The following BNC2 variants were observed in gnomAD, a reference collection of about 807,000 sequenced individuals.
BNC2 encodes the protein zinc finger protein basonuclin-2.
In BNC2, 20 loss-of-function variants were observed where a neutral mutation model predicts 76.3. The ratio of observed to expected loss-of-function variants is 0.26; its 90% CI spans 0.18 to 0.38. BNC2 has a LOEUF of 0.38. Ranked by LOEUF, BNC2 falls within the 10% of genes least tolerant of loss-of-function variation. The pLI is 1.00. For missense variants in BNC2, 1,382 were observed against 1,399.8 expected (o/e 0.99, Z 0.20); for synonymous variants, 582 against 514.8 (o/e 1.13, Z -1.77).
chr9:16,605,192 G>T (rs1820348716), intron 3 of BNC2, among the ~76,000 whole-genome samples: 1 of 152,210 alleles, frequency 6.6e-6, no homozygotes, highest in Admixed American at 6.5e-5. Context: ...AGAATGAAAA[G>T]AGGAAATTAT....
intron 2 of BNC2, among the ~76,000 whole-genome samples, chr9:16,735,411 A>T (rs1182356527): frequency 6.6e-6 from 1 of 152,086 alleles, no homozygotes; most frequent in African/African-American, 2.4e-5. Flanking sequence ...AAAAAAAAAA[A>T]AAAAAACAGG....
chr9:16,606,388 G>A (rs1820385249), intron 3 of BNC2, among the ~76,000 whole-genome samples: 1 of 152,110 alleles, frequency 6.6e-6, no homozygotes, highest in Admixed American at 6.6e-5. Context: ...TTGGCTCTGT[G>A]TCCCCAACCA....
intron 5 of BNC2, among the ~76,000 whole-genome samples, chr9:16,440,886 T>A (rs1422218919): frequency 6.6e-6 from 1 of 152,210 alleles, no homozygotes; most frequent in South Asian, 2.1e-4. Flanking sequence ...AAGCTTTATT[T>A]ATAGTGGTAA....
chr9:16,870,254 T>G (rs1040038139), intron 1 of BNC2, among the ~76,000 whole-genome samples: 1 of 152,056 alleles, frequency 6.6e-6, no homozygotes, highest in Admixed American at 6.6e-5. Flanking sequence ...CCCGAGCTCC[T>G]GCCAGCGCTC....
intron 1 of BNC2, among the ~76,000 whole-genome samples, chr9:16,768,667 G>A (rs984768517): frequency 6.6e-6 from 1 of 152,090 alleles, no homozygotes. Flanking sequence ...CAAGCAGCTG[G>A]GATAGGTACC....
At chr9:16,714,555 A>C (rs1419221833) in intron 3 of BNC2, among the ~76,000 whole-genome samples, 1 of 152,214 alleles carries the variant, frequency 6.6e-6, no homozygotes, top group Non-Finnish European at 1.5e-5. Context: ...CAAACTGTTA[A>C]TCTCTGGTCT....
At chr9:16,455,094 A>G (rs1284403999) in intron 5 of BNC2, among the ~76,000 whole-genome samples, 1 of 152,238 alleles carries the variant, frequency 6.6e-6, no homozygotes, top group African/African-American at 2.4e-5. Flanking sequence ...TGAGAAATGA[A>G]TATACATTTA....
At chr9:16,730,402 C>G (rs1012535236) in intron 2 of BNC2, among the ~76,000 whole-genome samples, 3 of 152,164 alleles carry the variant, frequency 2.0e-5, no homozygotes, top group Non-Finnish European at 4.4e-5. Flanking sequence ...AAACAAAGGG[C>G]TAATTTGGAG....
At chr9:16,632,040 G>T (rs1821176873) in intron 3 of BNC2, among the ~76,000 whole-genome samples, 2 of 152,096 alleles carry the variant, frequency 1.3e-5, no homozygotes. Flanking sequence ...ACAGGGTAAG[G>T]GGCAGGTCCA....
At chr9:16,662,345 T>A (rs1822133295) in intron 3 of BNC2, among the ~76,000 whole-genome samples, 1 of 152,214 alleles carries the variant, frequency 6.6e-6, no homozygotes, top group African/African-American at 2.4e-5. Context: ...ACATCGCCAA[T>A]ACTTTATTTA....
chr9:16,724,428 G>A (rs1159136129), intron 3 of BNC2, among the ~76,000 whole-genome samples: 4 of 151,958 alleles, frequency 2.6e-5, no homozygotes, highest in South Asian at 2.1e-4. Flanking sequence ...TTCTCCACCT[G>A]TCACTGATCA....
intron 5 of BNC2, among the ~76,000 whole-genome samples, chr9:16,492,721 A>ATTT (rs59536317): frequency 0.13 from 17,613 of 140,140 alleles, 1,377 homozygotes; most frequent in East Asian, 0.31. Flanking sequence ...AGGCCTGCCC[A>ATTT]TTTTTTTTTT....
chr9:16,685,432 C>A (rs1169087565), intron 3 of BNC2: 2 of 534,352 alleles, frequency 3.7e-6, no homozygotes, highest in Admixed American at 4.9e-5. Flanking sequence ...TTCCTCTTTA[C>A]ACCTAACTCA....
At chr9:16,608,052 A>T (rs911476146) in intron 3 of BNC2, among the ~76,000 whole-genome samples, 2 of 152,180 alleles carry the variant, frequency 1.3e-5, no homozygotes, top group African/African-American at 4.8e-5. Context: ...GCCTTCAAGA[A>T]ATTTGAGACA....
chr9:16,572,022 G>A (rs1035147716), intron 4 of BNC2, among the ~76,000 whole-genome samples: 4 of 152,164 alleles, frequency 2.6e-5, no homozygotes, highest in African/African-American at 9.6e-5. Flanking sequence ...GTTAGAGGTT[G>A]ATTTGTTTTT....
chr9:16,847,062 C>T (rs1461780315), intron 1 of BNC2, among the ~76,000 whole-genome samples: 2 of 152,144 alleles, frequency 1.3e-5, no homozygotes, highest in Non-Finnish European at 2.9e-5. Flanking sequence ...CAAGTTGCTG[C>T]ATGGTAGAAA....
At chr9:16,799,952 C>A (rs1332784103) in intron 1 of BNC2, among the ~76,000 whole-genome samples, 6 of 151,998 alleles carry the variant, frequency 3.9e-5, no homozygotes, top group South Asian at 2.1e-4. Context: ...AGGCCGGGCG[C>A]GGTGGCTCAT....
At chr9:16,493,997 T>C (rs1054741090) in intron 5 of BNC2, among the ~76,000 whole-genome samples, 2 of 152,094 alleles carry the variant, frequency 1.3e-5, no homozygotes, top group African/African-American at 4.8e-5. Flanking sequence ...ACTCAACTAA[T>C]AGGTCTTGAC....
intron 1 of BNC2, among the ~76,000 whole-genome samples, chr9:16,757,238 T>C (rs1453858732): frequency 3.3e-5 from 5 of 152,190 alleles, no homozygotes; most frequent in African/African-American, 7.2e-5. Context: ...TTTAAAAGCA[T>C]GTAGATTTAC....
Sources: allele counts gnomAD v4.1 joint callset (sites outside exome capture counted in the v4.1 genomes callset), GRCh38; gene constraint gnomAD v4.1.1; transcripts MANE v1.5; gene names NCBI Gene and HGNC (gene_info 2026-07-23, HGNC 2026-07-21).